The following COL6A1 variants were observed in gnomAD, a reference collection of about 807,000 sequenced individuals.
COL6A1 encodes the protein collagen type VI alpha 1 chain.
In COL6A1, 80 loss-of-function variants were observed where a neutral mutation model predicts 145.6. That is an observed-to-expected ratio of 0.55 (90% CI 0.46 to 0.66). The LOEUF (loss-of-function observed/expected upper bound fraction) is 0.66, where lower values mean the gene tolerates loss of function less well. COL6A1 is among the 30% of genes least tolerant of loss of function. The pLI is 0.00. For missense variants in COL6A1, 1,364 were observed against 1,473.8 expected (o/e 0.93, Z 1.22); for synonymous variants, 638 against 622.8 (o/e 1.02, Z -0.36).
chr21:45,999,206 C>T lies in COL6A1; in HGVS notation c.1728C>T (p.Pro576=), dbSNP rs371878987. The T allele has an allele frequency of 7.5e-6, 12 of 1,599,608 alleles. No individual in the cohort carries two copies. The highest frequency in any genetic ancestry group is 6.8e-5 in the South Asian group (6 of 88,552). ...GVKGAKGYRG[P]EGPQGPPGHQ... is the part of the protein sequence containing the mutation. ...AAGGAGCAAAGGGGTACCGGGGTCC[C>T]GAGGGCCCCCAGGTGGGTGGATGTG... The change falls in exon 26 of 35, where the codon CCC becomes CCT. Residue 576 remains proline (P), a synonymous_variant. Transcript: ENST00000361866.
At chr21:45,992,600 C>T in intron 18 of COL6A1, 148 bp from the exon 19 acceptor site, 1 of 1,035,018 alleles carries the variant, frequency 9.7e-7, no homozygotes, top group Non-Finnish European at 1.4e-6. Context: ...AGATTCCGGC[C>T]TCTGCAACCG....
rs1274869388 is a variant in COL6A1, at chr21:45,994,878, T to G, written c.1398+649T>G. Among the ~76,000 whole-genome samples the G allele has an allele frequency of 1.3e-5, 2 of 152,108 alleles. No homozygotes were observed. The highest frequency in any genetic ancestry group is 1.5e-5 in the Non-Finnish European group (1 of 68,018). On this transcript the variant is annotated intron_variant, in intron 20 of 34. Transcript: ENST00000361866. The surrounding 1 kb of genome is among the most constrained non-coding windows in gnomAD (Gnocchi z 6.8). The stretch of plus-strand genomic sequence containing the variant: ...CGGGGACAGGAAGGCCTCCACACGG[T>G]CACGCCCGGAGACAGCAAGTCTGTG...
intron 29 of COL6A1, 184 bp from the exon 30 acceptor site, chr21:46,001,069 C>A: frequency 1.1e-6 from 1 of 883,978 alleles, no homozygotes; most frequent in Non-Finnish European, 1.7e-6. Flanking sequence ...CCCTGACCAG[C>A]CGCCGGACAG....
chr21:45,997,546 G>C (rs550985329), intron 21 of COL6A1, 63 bp downstream of exon 21: 4 of 1,573,940 alleles, frequency 2.5e-6, no homozygotes, highest in Non-Finnish European at 3.5e-6. Flanking sequence ...AGAACCCACT[G>C]TCTGCCCAGT....
At chr21:45,983,531 A>G (rs2123461604) in intron 2 of COL6A1, among the ~76,000 whole-genome samples, 1 of 152,222 alleles carries the variant, frequency 6.6e-6, no homozygotes, top group Non-Finnish European at 1.5e-5. Context: ...CGCCACCAGA[A>G]GGGGCACAGT....
chr21:45,995,351 G>A (rs992191171), intron 20 of COL6A1, among the ~76,000 whole-genome samples: 5 of 152,222 alleles, frequency 3.3e-5, no homozygotes, highest in Admixed American at 3.3e-4. Flanking sequence ...CCTCCCATGT[G>A]GTCACCCAGG....
At position 45,990,800 on chromosome 21, in the gene COL6A1, G is replaced by C. The variant is rs1569518250; in HGVS notation, c.1030G>C (p.Gly344Arg). 6.2e-7 allele frequency: 1 copy of C among 1,613,440 alleles called. No homozygotes were observed. ...GGAGATGGGGTACCCAGGCCTGCCA[G>C]GCTGCAAGGGCTCGCCCGGGTTTGA... Reference protein sequence around the residue: ...KGEMGYPGLPGCKGSPGFDGI... With the variant: ...KGEMGYPGLPRCKGSPGFDGI... The change falls in exon 14 of 35, where the codon GGC becomes CGC. Residue 344 changes from glycine (G) to arginine (R), a missense_variant. Physicochemically the swap from Gly to Arg is moderately radical, Grantham distance 125. Transcript: ENST00000361866.
intron 11 of COL6A1, 145 bp from the exon 12 acceptor site, chr21:45,990,113 A>G: frequency 1.8e-6 from 2 of 1,106,136 alleles, no homozygotes; most frequent in Non-Finnish European, 2.7e-6. Flanking sequence ...CCTCCCCATC[A>G]CTGTCAGTCC....
Position 45,991,997 on chromosome 21 carries a change from C to A in COL6A1, c.1120-13C>A. 6.4e-7 allele frequency: 1 copy of A among 1,572,202 alleles called. No individual in the cohort carries two copies. The highest frequency in any genetic ancestry group is 1.2e-5 in the South Asian group (1 of 86,364). ...CCCCTGCCAGCGTGTGTGACTCCCC[C>A]GGTCTTCCCCAGGGCGAGCCTGGAG... is the stretch of plus-strand genomic sequence containing the variant. On this transcript the variant is annotated splice_polypyrimidine_tract_variant and intron_variant, in intron 15 of 34. Coordinates refer to ENST00000361866, the MANE Select transcript of COL6A1 (RefSeq NM_001848.3).
In COL6A1 at chr21:46,001,345, G is replaced by A. The variant is rs564072783; in HGVS notation, c.1915G>A (p.Val639Ile). ...QNFEIAKDFV[V>I]KVIDRLSRDE... ...CTTCGAGATTGCCAAGGACTTCGTC[G>A]TCAAGGTCATCGACCGGCTGAGCCG... The change falls in exon 30 of 35, where the codon GTC (valine) becomes ATC (isoleucine). Residue 639 changes from valine (V) to isoleucine (I), a missense_variant. By Grantham distance (29) the Val-to-Ile change is conservative. This residue lies in a region of COL6A1 where 938 missense variants were observed against 1,003.8 expected (regional missense o/e 0.93). Coordinates refer to ENST00000361866, the MANE Select transcript of COL6A1 (RefSeq NM_001848.3). 1.7e-5 allele frequency: 28 copies of A among 1,612,758 alleles called. No homozygotes were observed. The South Asian group carries it at 2.0e-4, about 11-fold the overall frequency.
chr21:46,004,485 C>T lies in COL6A1; in HGVS notation c.*472C>T, dbSNP rs2077870035. 3.2e-6 allele frequency: 1 copy of T among 315,230 alleles called. No homozygotes were observed. Among genetic ancestry groups the T allele is most frequent in the Non-Finnish European group, 6.4e-6 (1 of 156,388 alleles). The allele number at this position is 315,230 out of a possible 1,614,324, so 19.5% of individuals were successfully genotyped here. On this transcript the variant is annotated 3_prime_UTR_variant, in exon 35 of 35. Coordinates refer to ENST00000361866, the MANE Select transcript of COL6A1 (RefSeq NM_001848.3). ...TCGGGGCCTGTGCCGCACTAGCCTC[C>T]CTCTCCTCTGTCCCCATAGCTGGTT...
At chr21:45,993,036 G>GGT (rs1221235409) in intron 19 of COL6A1, among the ~76,000 whole-genome samples, 2 of 152,230 alleles carry the variant, frequency 1.3e-5, no homozygotes, top group African/African-American at 2.4e-5. Flanking sequence ...CCGTGGACCC[G>GGT]GTGCCCACTT....
At chr21:45,986,827 C>T (rs1402489856) in intron 4 of COL6A1, 117 bp from the exon 5 acceptor site, 5 of 1,519,306 alleles carry the variant, frequency 3.3e-6, no homozygotes, top group Non-Finnish European at 4.4e-6. Flanking sequence ...GAGGCCAGCC[C>T]CTCCTGCTGA....
intron 8 of COL6A1, 105 bp from the exon 9 acceptor site, chr21:45,988,979 G>A (rs1359921571): frequency 7.2e-7 from 1 of 1,381,544 alleles, no homozygotes; most frequent in African/African-American, 1.4e-5. Flanking sequence ...TAAAGCCCTT[G>A]ATCCCTGAAG....
chr21:45,999,200 G>A lies in COL6A1; in HGVS notation c.1722G>A (p.Arg574=), dbSNP rs1004303947. ...GAGTCAAAGGAGCAAAGGGGTACCG[G>A]GGTCCCGAGGGCCCCCAGGTGGGTG... ...PRGVKGAKGY[R]GPEGPQGPPG... Residue 574 remains arginine (R), a synonymous_variant, in exon 26 of 35, where the codon CGG becomes CGA. Coordinates refer to ENST00000361866, the MANE Select transcript of COL6A1 (RefSeq NM_001848.3). 10 of 1,601,466 alleles carry A rather than the reference G, an allele frequency of 6.2e-6. No individual in the cohort carries two copies. The highest frequency in any genetic ancestry group is 7.7e-6 in the Non-Finnish European group (9 of 1,175,158).
At chr21:46,001,139 C>A in intron 29 of COL6A1, 114 bp from the exon 30 acceptor site, 1 of 1,435,374 alleles carries the variant, frequency 7.0e-7, no homozygotes, top group Non-Finnish European at 9.5e-7. Context: ...ACGGGGGGAC[C>A]CCAACGTGTC....
rs774928005 is a variant in COL6A1 at position 46,003,946 on chromosome 21, C to T, written c.3020C>T (p.Pro1007Leu). 6.2e-7 allele frequency: 1 copy of T among 1,612,182 alleles called. No homozygotes were observed. Among genetic ancestry groups the T allele is most frequent in the African/African-American group, 1.3e-5 (1 of 74,938 alleles). Residue 1007 changes from proline (P) to leucine (L), a missense_variant, in exon 35 of 35, where the codon CCC (proline) becomes CTC (leucine). Around this residue, in one of 3 missense-constraint regions of COL6A1, gnomAD observed 938 missense variants for 1,003.8 expected, o/e 0.93. Coordinates refer to ENST00000361866, the MANE Select transcript of COL6A1 (RefSeq NM_001848.3). ...GGCGAGAGCCACCTGTTCCGTGTCCCCAGCTACCAGGCCCTGCTCCGCGGT... is the reference window on the plus strand; with the variant it reads ...GGCGAGAGCCACCTGTTCCGTGTCCTCAGCTACCAGGCCCTGCTCCGCGGT... ...AYGESHLFRV[P>L]SYQALLRGVF...
chr21:45,991,245 C>A (rs753423441), intron 15 of COL6A1, among the ~76,000 whole-genome samples: 13 of 152,228 alleles, frequency 8.5e-5, no homozygotes, highest in Non-Finnish European at 1.8e-4. Flanking sequence ...GTGGCGCTCC[C>A]GCCCAGAGCC....
rs1012206262 is a variant in COL6A1 at position 45,981,845 on chromosome 21, C to G, written c.-6C>G. The G allele has an allele frequency of 2.5e-6, 4 of 1,577,106 alleles. No homozygotes were observed. The highest frequency in any genetic ancestry group is 1.4e-5 in the African/African-American group (1 of 73,138). ...CCGCGCTGTGTGGTGACCGCAGGCCCCAGACATGAGGGCGGCCCGTGCTCT... is the reference window on the plus strand; with the variant it reads ...CCGCGCTGTGTGGTGACCGCAGGCCGCAGACATGAGGGCGGCCCGTGCTCT... On this transcript the variant is annotated 5_prime_UTR_variant, in exon 1 of 35. Coordinates refer to ENST00000361866, the MANE Select transcript of COL6A1 (RefSeq NM_001848.3).
Sources: gnomAD v4.1 joint callset for allele counts (sites outside exome capture counted in the v4.1 genomes callset) on GRCh38, gnomAD v4.1.1 for gene constraint, gnomAD v4.1.1 regional missense constraint, Gnocchi (gnomAD v3.1) non-coding constraint, MANE v1.5 for transcripts, NCBI Gene and HGNC (gene_info 2026-07-23, HGNC 2026-07-21) for gene names.